The following MPDZ variants were observed in gnomAD, a reference collection of about 807,000 sequenced individuals.
MPDZ encodes the protein multiple PDZ domain protein.
In MPDZ, 234 loss-of-function variants were observed where a neutral mutation model predicts 239.1. The ratio of observed to expected loss-of-function variants is 0.98; its 90% CI spans 0.88 to 1.09. MPDZ has a LOEUF of 1.09. Among genes scored for constraint, MPDZ ranks in the 50% least tolerant of loss-of-function variants. MPDZ has a pLI of 0.00. For missense variants in MPDZ, 3,175 were observed against 2,510.0 expected (o/e 1.26, Z -5.66); for synonymous variants, 1,048 against 881.3 (o/e 1.19, Z -3.35).
rs181803080 is a variant in MPDZ, at chr9:13,148,457, C to T, written c.3631-799G>A. Among the ~76,000 whole-genome samples, 31 of 152,064 alleles carry T rather than the reference C, an allele frequency of 2.0e-4. No individual in the cohort carries two copies. In the East Asian group the frequency reaches 5.8e-3, roughly 28 times the overall value. Reference sequence around the variant, plus strand: ...AACAAAAGAGTAAACCCAGAGTGGACACAACTCTAGAAAAGAACATTATTA... The same window carrying T: ...AACAAAAGAGTAAACCCAGAGTGGATACAACTCTAGAAAAGAACATTATTA... On this transcript the variant is annotated intron_variant, in intron 25 of 46. Coordinates refer to ENST00000319217, the MANE Select transcript of MPDZ (RefSeq NM_001378778.1).
intron 1 of MPDZ, chr9:13,276,612 T>G (rs1197426735): frequency 2.0e-5 from 3 of 152,328 alleles, no homozygotes; most frequent in African/African-American, 4.8e-5. Context: ...GTTGTCTGCT[T>G]CTTCTCTTTA....
At chr9:13,210,050 A>T (rs543645999) in intron 10 of MPDZ, among the ~76,000 whole-genome samples, 2 of 151,536 alleles carry the variant, frequency 1.3e-5, no homozygotes, top group African/African-American at 4.8e-5. Flanking sequence ...GCACATGAAA[A>T]AACAGAAAAT....
chr9:13,108,945 C>G lies in MPDZ; in HGVS notation c.6057G>C (p.Val2019=), dbSNP rs1227896748. The change falls in exon 46 of 47, where the codon GTG becomes GTC. Residue 2019 remains valine, a synonymous_variant. Coordinates refer to ENST00000319217, the MANE Select transcript of MPDZ (RefSeq NM_001378778.1). ...AAATTTGCAAGCTTACCTTTGCAAA[C>G]ACTGTTTTAACATAAATGGGTAAGT... ...HGDLPIYVKT[V]FAKGAASEDG... is the part of the protein sequence containing the mutation. The G allele has an allele frequency of 1.2e-6, 2 of 1,610,438 alleles. No individual in the cohort carries two copies. Among genetic ancestry groups the G allele is most frequent in the Middle Eastern group, 1.7e-4 (1 of 6,048 alleles).
At chr9:13,124,485 T>A (rs1053741574) in intron 35 of MPDZ, among the ~76,000 whole-genome samples, 3 of 151,968 alleles carry the variant, frequency 2.0e-5, no homozygotes, top group African/African-American at 7.2e-5. Context: ...AATGCCTTAT[T>A]TTTTTTTGTT....
intron 1 of MPDZ, among the ~76,000 whole-genome samples, chr9:13,276,947 C>T (rs1974338130): frequency 6.6e-6 from 1 of 152,150 alleles, no homozygotes; most frequent in African/African-American, 2.4e-5. Flanking sequence ...AATCTCTCCA[C>T]CCTAGCAGTT....
chr9:13,189,200 T>C (rs985151104), intron 16 of MPDZ, among the ~76,000 whole-genome samples: 1 of 152,148 alleles, frequency 6.6e-6, no homozygotes, highest in African/African-American at 2.4e-5. Flanking sequence ...CCTTAAACAA[T>C]GGCACCCTCA....
At chr9:13,251,029 G>A (rs1163729654) in intron 1 of MPDZ, among the ~76,000 whole-genome samples, 8 of 150,686 alleles carry the variant, frequency 5.3e-5, no homozygotes, top group Non-Finnish European at 8.9e-5. Flanking sequence ...CTCAGGATGC[G>A]GAGGGAGGGG....
At chr9:13,175,090 A>G (rs1401685922) in intron 21 of MPDZ, among the ~76,000 whole-genome samples, 1 of 152,214 alleles carries the variant, frequency 6.6e-6, no homozygotes, top group East Asian at 1.9e-4. Flanking sequence ...CATTCTATTT[A>G]TCAAGAAAGA....
intron 10 of MPDZ, among the ~76,000 whole-genome samples, chr9:13,213,078 T>C (rs969597265): frequency 1.3e-5 from 2 of 152,120 alleles, no homozygotes; most frequent in African/African-American, 2.4e-5. Context: ...CAATCATAAT[T>C]TCCTACTGCT....
intron 13 of MPDZ, among the ~76,000 whole-genome samples, chr9:13,195,415 C>A (rs995481069): frequency 6.6e-6 from 1 of 152,154 alleles, no homozygotes. Flanking sequence ...TCTGTTGTAT[C>A]TTCTCCCTTC....
intron 38 of MPDZ, chr9:13,120,289 A>C (rs1266402151): frequency 6.6e-6 from 1 of 152,404 alleles, no homozygotes; most frequent in African/African-American, 2.4e-5. Context: ...TACGAAGATA[A>C]CCATAAATAG....
intron 30 of MPDZ, 149 bp from the exon 31 acceptor site, chr9:13,136,331 T>TTC: frequency 2.1e-6 from 1 of 465,778 alleles, no homozygotes. Flanking sequence ...TTTTCTTTTT[T>TTC]TTTTTTTTTT....
intron 3 of MPDZ, among the ~76,000 whole-genome samples, chr9:13,235,121 C>G (rs1291591443): frequency 6.6e-6 from 1 of 152,204 alleles, no homozygotes; most frequent in East Asian, 1.9e-4. Context: ...CATTATTGAA[C>G]AGGCAAACCC....
chr9:13,248,112 C>T (rs1425331132), intron 2 of MPDZ, among the ~76,000 whole-genome samples: 1 of 151,488 alleles, frequency 6.6e-6, no homozygotes, highest in Non-Finnish European at 1.5e-5. Flanking sequence ...CCTGTAACCC[C>T]AGCTACTCAG....
chr9:13,217,200 T>C lies in MPDZ; in HGVS notation c.1181A>G (p.Tyr394Cys). The change falls in exon 9 of 47, where the codon TAC becomes TGC. Residue 394 changes from tyrosine (Y) to cysteine (C), a missense_variant. Physicochemically the swap from Tyr to Cys is radical, Grantham distance 194. Transcript: ENST00000319217. ...VQGLGITIAG[Y>C]IGDKKLEPSG... ...ATTACCCAATTTTTTATCTCCAATG[T>C]AGCCAGCAATGGTAATTCCTAATCC... The C allele has an allele frequency of 6.3e-7, 1 of 1,592,230 alleles. No individual in the cohort carries two copies. Among genetic ancestry groups the C allele is most frequent in the Non-Finnish European group, 8.5e-7 (1 of 1,169,862 alleles).
intron 7 of MPDZ, among the ~76,000 whole-genome samples, chr9:13,220,951 AC>A (rs1367949248): frequency 1.6e-4 from 24 of 152,026 alleles, no homozygotes; most frequent in African/African-American, 5.6e-4. Flanking sequence ...GATACCAATG[AC>A]CCATCACTAA....
At chr9:13,261,921 T>C (rs1283526748) in intron 1 of MPDZ, among the ~76,000 whole-genome samples, 4 of 151,254 alleles carry the variant, frequency 2.6e-5, no homozygotes, top group Admixed American at 6.6e-5. Context: ...GGCACATGCA[T>C]GTAGTCCCAG....
chr9:13,140,095 G>T lies in MPDZ; in HGVS notation c.3895C>A (p.Pro1299Thr), dbSNP rs371070344. 1.6e-5 allele frequency: 26 copies of T among 1,613,390 alleles called. No individual in the cohort carries two copies. In the East Asian group the frequency reaches 3.1e-4, roughly 19 times the overall value. The part of the protein sequence containing the change: ...PEKAPLCSVP[P>T]PPPSAFAEMG... ...TCGGCAAAGGCTGAAGGAGGGGGTG[G>T]GGGCACACTGCACAATGGAGCCTTC... The change falls in exon 28 of 47, where the codon CCA becomes ACA. Residue 1299 changes from proline to threonine, a missense_variant. Physicochemically the swap from Pro to Thr is conservative, Grantham distance 38 (BLOSUM62 -1). Coordinates refer to ENST00000319217, the MANE Select transcript of MPDZ (RefSeq NM_001378778.1).
At chr9:13,115,163 T>G in intron 40 of MPDZ, 85 bp downstream of exon 40, 1 of 1,181,202 alleles carries the variant, frequency 8.5e-7, no homozygotes, top group South Asian at 1.3e-5. Context: ...GACCAGACCT[T>G]GTACACAGAC....
Sources: allele counts gnomAD v4.1 joint callset (sites outside exome capture counted in the v4.1 genomes callset), GRCh38; gene constraint gnomAD v4.1.1; transcripts MANE v1.5; gene names NCBI Gene and HGNC (gene_info 2026-07-23, HGNC 2026-07-21).